The following SCLT1 variants were observed in gnomAD, a reference collection of about 807,000 sequenced individuals.
SCLT1 encodes sodium channel and clathrin linker 1.
SCLT1 carries 78 observed loss-of-function variants against 112.8 expected under a neutral mutation model. The ratio of observed to expected loss-of-function variants is 0.69; its 90% CI spans 0.58 to 0.83. The LOEUF is 0.83. SCLT1 is among the 40% of genes least tolerant of loss of function. The pLI, the probability that SCLT1 is intolerant of heterozygous loss-of-function variation, is 0.00. For missense variants in SCLT1, 747 were observed against 770.4 expected, an observed-to-expected ratio of 0.97 and a Z score of 0.36; for synonymous variants, 257 against 254.7, an observed-to-expected ratio of 1.01 and a Z score of -0.09.
At chr4:129,012,932 C>T (rs76803416) in intron 5 of SCLT1, among the ~76,000 whole-genome samples, 1 of 152,214 alleles carries the variant, frequency 6.6e-6, no homozygotes, top group East Asian at 1.9e-4. Context: ...CTCTTAAAGA[C>T]AGCATACCAA....
intron 2 of SCLT1, among the ~76,000 whole-genome samples, chr4:129,079,063 C>T (rs543312406): frequency 6.6e-6 from 1 of 152,216 alleles, no homozygotes; most frequent in East Asian, 1.9e-4. Context: ...AGAAAATTCA[C>T]CCCCATGATA....
At chr4:129,039,246 G>A in intron 4 of SCLT1, 150 bp from the exon 5 acceptor site, 1 of 551,418 alleles carries the variant, frequency 1.8e-6, no homozygotes, top group Admixed American at 3.5e-5. Flanking sequence ...TAATTAATAT[G>A]GATAATTTAC....
intron 2 of SCLT1, among the ~76,000 whole-genome samples, chr4:129,076,924 T>C (rs976522721): frequency 3.3e-5 from 5 of 152,102 alleles, no homozygotes; most frequent in African/African-American, 1.2e-4. Context: ...TTTTAAAAGT[T>C]ACATACAAAT....
At chr4:129,047,750 A>AT (rs1748324075) in intron 2 of SCLT1, among the ~76,000 whole-genome samples, 1 of 152,076 alleles carries the variant, frequency 6.6e-6, no homozygotes, top group East Asian at 1.9e-4. Flanking sequence ...TATGTTTAGC[A>AT]TTTTTTCATA....
At chr4:129,051,976 T>C (rs959507378) in intron 2 of SCLT1, among the ~76,000 whole-genome samples, 3 of 152,182 alleles carry the variant, frequency 2.0e-5, no homozygotes, top group African/African-American at 7.2e-5. Context: ...TTGCATCTAT[T>C]GAGATAATCG....
intron 2 of SCLT1, among the ~76,000 whole-genome samples, chr4:129,076,666 G>GAA (rs907889471): frequency 6.8e-6 from 1 of 147,758 alleles, no homozygotes; most frequent in Non-Finnish European, 1.5e-5. Flanking sequence ...GCCTGGGTAT[G>GAA]AAAAAAAAAG....
intron 5 of SCLT1, among the ~76,000 whole-genome samples, chr4:129,006,792 T>A (rs990695362): frequency 6.6e-6 from 1 of 152,172 alleles, no homozygotes; most frequent in Admixed American, 6.5e-5. Context: ...CGAGGTGTTA[T>A]ATGATTTTGG....
chr4:129,021,465 C>T (rs1306916874), intron 5 of SCLT1, among the ~76,000 whole-genome samples: 1 of 152,194 alleles, frequency 6.6e-6, no homozygotes, highest in Non-Finnish European at 1.5e-5. Context: ...GCAAGCACAG[C>T]AGTCTGAAGT....
At chr4:128,942,452 A>G (rs1216107068) in intron 17 of SCLT1, among the ~76,000 whole-genome samples, 1 of 152,112 alleles carries the variant, frequency 6.6e-6, no homozygotes, top group African/African-American at 2.4e-5. Context: ...GTCCCTTAAA[A>G]AGAGGATCAC....
chr4:128,946,831 G>C (rs990269258), intron 15 of SCLT1, among the ~76,000 whole-genome samples: 4 of 152,184 alleles, frequency 2.6e-5, no homozygotes, highest in Non-Finnish European at 4.4e-5. Flanking sequence ...GATCTAGCTA[G>C]GATGGGGCTT....
At chr4:129,053,110 C>T (rs866688095) in intron 2 of SCLT1, among the ~76,000 whole-genome samples, 4 of 152,034 alleles carry the variant, frequency 2.6e-5, no homozygotes, top group Non-Finnish European at 5.9e-5. Context: ...TTATGATTTC[C>T]ATTCTTTTGA....
At position 128,923,391 on chromosome 4, in the gene SCLT1, A is replaced by G. The variant is rs1477730814; in HGVS notation, c.1829+13264T>C. Reference sequence around the variant, plus strand: ...ACCCATGAGGCAGAGGTTGCAGTGAACCAAGATCGTGCCACTGCACTCCAG... The same window carrying G: ...ACCCATGAGGCAGAGGTTGCAGTGAGCCAAGATCGTGCCACTGCACTCCAG... On this transcript the variant is annotated intron_variant, in intron 18 of 20. Transcript: ENST00000281142. 3.5e-5 allele frequency among the ~76,000 whole-genome samples: 5 copies of G among 142,580 alleles called. No homozygotes were observed. In the Admixed American group the frequency reaches 3.8e-4, roughly 11 times the overall value. The allele number at this position is 142,580 out of a possible 152,430, so 93.5% of individuals were successfully genotyped here. A position where few individuals can be genotyped will look rare whatever the true frequency, so the allele number is the denominator to read the frequency against.
At chr4:128,929,368 T>G (rs958859076) in intron 18 of SCLT1, among the ~76,000 whole-genome samples, 9 of 152,208 alleles carry the variant, frequency 5.9e-5, no homozygotes, top group Non-Finnish European at 1.2e-4. Flanking sequence ...TATAAAAATT[T>G]TAATTATGTT....
At chr4:129,075,594 T>A (rs1204492173) in intron 2 of SCLT1, among the ~76,000 whole-genome samples, 1 of 152,176 alleles carries the variant, frequency 6.6e-6, no homozygotes, top group Non-Finnish European at 1.5e-5. Flanking sequence ...ATATGAAAAT[T>A]AAATAAAACA....
chr4:129,091,123 G>A (rs940791642), intron 1 of SCLT1, among the ~76,000 whole-genome samples: 1 of 152,050 alleles, frequency 6.6e-6, no homozygotes, highest in African/African-American at 2.4e-5. Context: ...CTGGTATTTA[G>A]GTGGGTCACT....
intron 8 of SCLT1, among the ~76,000 whole-genome samples, chr4:128,996,547 A>G (rs1471145050): frequency 6.6e-6 from 1 of 152,124 alleles, no homozygotes; most frequent in Admixed American, 6.5e-5. Flanking sequence ...TGAACTGTAC[A>G]AGATCTTATC....
At position 128,946,018 on chromosome 4, in the gene SCLT1, T is replaced by C. The variant is rs780786976; in HGVS notation, c.1428A>G (p.Gln476=). ...AAAGAAAAACTTACTCAGTTTCAAG[T>C]TGTTTTATTCTATTTTCTGCTCTCG... The part of the protein sequence containing the change: ...RLTRAENRIK[Q]LETDSSEEIS... Residue 476 remains glutamine, a synonymous_variant, in exon 16 of 21, where the codon CAA becomes CAG. Transcript: ENST00000281142. 3.7e-6 allele frequency: 6 copies of C among 1,602,850 alleles called. No individual in the cohort carries two copies.
intron 5 of SCLT1, chr4:128,873,419 A>C (rs1474003781): frequency 6.6e-6 from 1 of 152,626 alleles, no homozygotes; most frequent in Non-Finnish European, 1.5e-5. Flanking sequence ...TGTACCCTTG[A>C]ATAGGTTTTC....
chr4:128,948,335 C>CAAAAAAAAAAAAAAAAAAAAA (rs11312069), intron 15 of SCLT1, among the ~76,000 whole-genome samples, 161 bp downstream of exon 15: 2 of 47,964 alleles, frequency 4.2e-5, no homozygotes, highest in African/African-American at 7.1e-5. Flanking sequence ...GACTCCATTG[C>CAAAAAAAAAAAAAAAAAAAAA]AAAAAAAAAA....
Sources: allele counts gnomAD v4.1 joint callset (sites outside exome capture counted in the v4.1 genomes callset), GRCh38; gene constraint gnomAD v4.1.1; transcripts MANE v1.5; gene names NCBI Gene and HGNC (gene_info 2026-07-23, HGNC 2026-07-21).